SLC10A2: variants seen among roughly 807,000 people sequenced by gnomAD.
The protein encoded by SLC10A2 is ileal sodium/bile acid cotransporter.
Under a neutral mutation model 27.1 loss-of-function variants are expected in SLC10A2, and 34 were observed. The observed-to-expected ratio is 1.26, with a 90% CI of 0.96 to 1.67. The LOEUF (loss-of-function observed/expected upper bound fraction) is 1.67, where lower values mean the gene tolerates loss of function less well. SLC10A2 is among the 40% of genes most tolerant of loss of function. The pLI is 0.00. For missense variants in SLC10A2, 530 were observed against 444.4 expected (o/e 1.19, Z -1.73); for synonymous variants, 205 against 174.0 (o/e 1.18, Z -1.40).
Position 103,066,011 on chromosome 13 carries a change from G to C in SLC10A2, c.239C>G (p.Pro80Arg). The C allele has an allele frequency of 1.2e-6, 2 of 1,613,956 alleles. No homozygotes were observed. Among genetic ancestry groups the C allele is most frequent in the Non-Finnish European group, 1.7e-6 (2 of 1,179,930 alleles). The change falls in exon 1 of 6, where the codon CCC becomes CGC. Residue 80 changes from proline (P) to arginine (R), a missense_variant. By Grantham distance (103) the Pro-to-Arg change is moderately radical. Coordinates refer to ENST00000245312, the MANE Select transcript of SLC10A2 (RefSeq NM_000452.3). ...CACCGACAGGATGAATCCTGTGAGG[G>C]GCATGATTCCAAACTGACAGAGGAA... ...VGFLCQFGIMPLTGFILSVAF... is the reference protein window; with the variant it reads ...VGFLCQFGIMRLTGFILSVAF...
chr13:103,063,279 C>T (rs1015694389), intron 1 of SLC10A2, among the ~76,000 whole-genome samples: 14 of 151,936 alleles, frequency 9.2e-5, no homozygotes, highest in Non-Finnish European at 2.9e-5. Flanking sequence ...TAAGAGATGA[C>T]AGAGTGAGAG....
At chr13:103,064,355 A>G (rs74110005) in intron 1 of SLC10A2, among the ~76,000 whole-genome samples, 1,737 of 152,330 alleles carry the variant, frequency 0.011, 41 homozygotes, top group African/African-American at 0.04. Flanking sequence ...AGAAAAATGT[A>G]ACTTGGAGCT....
At chr13:103,050,500 A>G (rs1875746473) in intron 4 of SLC10A2, among the ~76,000 whole-genome samples, 2 of 152,164 alleles carry the variant, frequency 1.3e-5, no homozygotes, top group Non-Finnish European at 2.9e-5. Context: ...GCGCCTTTGG[A>G]GGATGAGCTC....
intron 2 of SLC10A2, among the ~76,000 whole-genome samples, chr13:103,058,031 C>T (rs148759365): frequency 3.9e-5 from 6 of 152,242 alleles, no homozygotes; most frequent in Non-Finnish European, 7.4e-5. Flanking sequence ...GGAGGGGGCT[C>T]CTTTCCCTGG....
intron 1 of SLC10A2, among the ~76,000 whole-genome samples, chr13:103,060,381 A>ATTTTT: frequency 7.6e-6 from 1 of 131,528 alleles, no homozygotes; most frequent in African/African-American, 3.0e-5. Flanking sequence ...TGCTACTACC[A>ATTTTT]TTTTTTTTTT....
At chr13:103,048,067 G>T (rs1393322262) in intron 5 of SLC10A2, among the ~76,000 whole-genome samples, 1 of 152,164 alleles carries the variant, frequency 6.6e-6, no homozygotes, top group African/African-American at 2.4e-5. Context: ...GTGCAGAGGA[G>T]ATCAGCATCA....
At chr13:103,054,795 A>G (rs1235046423) in intron 2 of SLC10A2, among the ~76,000 whole-genome samples, 1 of 152,062 alleles carries the variant, frequency 6.6e-6, no homozygotes, top group Non-Finnish European at 1.5e-5. Flanking sequence ...TTCTGCTTGT[A>G]GAGGTGGATG....
chr13:103,065,192 C>G (rs1426185458), intron 1 of SLC10A2, among the ~76,000 whole-genome samples: 1 of 152,078 alleles, frequency 6.6e-6, no homozygotes, highest in Admixed American at 6.5e-5. Flanking sequence ...AGTGCTAGTT[C>G]AGACTGGCAC....
chr13:103,046,619 G>A (rs868583636), intron 5 of SLC10A2, among the ~76,000 whole-genome samples: 2 of 152,172 alleles, frequency 1.3e-5, no homozygotes, highest in Middle Eastern at 3.2e-3. Flanking sequence ...TATACACATG[G>A]TGCAGTGCAA....
At chr13:103,062,443 AT>A (rs1876151267) in intron 1 of SLC10A2, among the ~76,000 whole-genome samples, 2 of 152,184 alleles carry the variant, frequency 1.3e-5, no homozygotes, top group South Asian at 4.1e-4. Flanking sequence ...ATACCAACTT[AT>A]TTTGAGTACT....
Position 103,065,856 on chromosome 13 carries a change from G to A in SLC10A2, c.377+17C>T. On this transcript the variant is annotated intron_variant, in intron 1 of 5. Transcript: ENST00000245312. ...CTCCAAGGTGATTGCAGTAGTTAGA[G>A]GTATAGATAATCTTACCTCAGGTCC... The A allele has an allele frequency of 1.9e-6, 3 of 1,613,748 alleles. No homozygotes were observed. In the South Asian group the frequency reaches 3.3e-5, roughly 18 times the overall value.
intron 2 of SLC10A2, 119 bp downstream of exon 2, chr13:103,058,145 A>T (rs1348912788): frequency 1.2e-5 from 9 of 774,426 alleles, no homozygotes; most frequent in Non-Finnish European, 1.4e-5. Flanking sequence ...TAATGAAATC[A>T]GGCAAAAACT....
At position 103,046,199 on chromosome 13, in the gene SLC10A2, T is replaced by G; in HGVS notation, c.981A>C (p.Glu327Asp). The G allele has an allele frequency of 6.2e-7, 1 of 1,613,970 alleles. No individual in the cohort carries two copies. Among genetic ancestry groups the G allele is most frequent in the Non-Finnish European group, 8.5e-7 (1 of 1,179,864 alleles). The change falls in exon 6 of 6, where the codon GAA (glutamate) becomes GAC (aspartate). Residue 327 changes from glutamate (E) to aspartate (D), a missense_variant. Coordinates refer to ENST00000245312, the MANE Select transcript of SLC10A2 (RefSeq NM_000452.3). ...ACGATGACTCTGGCTCCGTTCCATT[T>G]TCTTTGCTCTCTGGAATTTCTGCCT... ...KNKAEIPESKENGTEPESSFY... is the reference protein window; with the variant it reads ...KNKAEIPESKDNGTEPESSFY...
At position 103,066,180 on chromosome 13, in the gene SLC10A2, T is replaced by C. The variant is rs1876271645; in HGVS notation, c.70A>G (p.Ser24Gly). 1 of 1,614,148 alleles carries C rather than the reference T, an allele frequency of 6.2e-7. No homozygotes were observed. The highest frequency in any genetic ancestry group is 8.5e-7 in the Non-Finnish European group (1 of 1,179,990). The change falls in exon 1 of 6, where the codon AGC becomes GGC. Residue 24 changes from serine (S) to glycine (G), a missense_variant. By Grantham distance (56) the Ser-to-Gly change is moderately conservative. Coordinates refer to ENST00000245312, the MANE Select transcript of SLC10A2 (RefSeq NM_000452.3). ...ACACTTAGGATGTTATTGAAATTGC[T>C]CTCAGGTACCACACAGGATGCACCA... ...CSGASCVVPE[S>G]NFNNILSVVL...
chr13:103,048,923 C>G (rs2138911665), intron 5 of SLC10A2, among the ~76,000 whole-genome samples: 1 of 152,280 alleles, frequency 6.6e-6, no homozygotes, highest in African/African-American at 2.4e-5. Flanking sequence ...ATTTATAAAG[C>G]ATATCAAGAC....
In SLC10A2 at chr13:103,044,706, A is replaced by C. The variant is rs551393615; in HGVS notation, c.*1427T>G. The C allele has an allele frequency of 5.6e-4, 85 of 152,322 alleles. No individual in the cohort carries two copies. Among genetic ancestry groups the C allele is most frequent in the African/African-American group, 2.0e-3 (82 of 41,578 alleles). The allele number at this position is 152,322 out of a possible 1,614,324, so 9.4% of individuals were successfully genotyped here. Reference sequence around the variant, plus strand: ...ACATGCAAATGCAAAAAGCCCTTTCAGCCAAAACACTTGAAATAGACTCTA... The same window carrying C: ...ACATGCAAATGCAAAAAGCCCTTTCCGCCAAAACACTTGAAATAGACTCTA... On this transcript the variant is annotated 3_prime_UTR_variant, in exon 6 of 6. Transcript: ENST00000245312.
chr13:103,064,423 A>C (rs970183445), intron 1 of SLC10A2, among the ~76,000 whole-genome samples: 2 of 152,200 alleles, frequency 1.3e-5, no homozygotes, highest in Non-Finnish European at 2.9e-5. Context: ...CAACAACCTA[A>C]TAGTCCAGTA....
At chr13:103,054,883 A>T (rs1302396083) in intron 2 of SLC10A2, among the ~76,000 whole-genome samples, 1 of 152,106 alleles carries the variant, frequency 6.6e-6, no homozygotes, top group African/African-American at 2.4e-5. Context: ...CGTATGCCTC[A>T]TATGCCCATG....
chr13:103,045,332 G>A lies in SLC10A2; in HGVS notation c.*801C>T, dbSNP rs1478691222. 1 of 152,186 alleles carries A rather than the reference G, an allele frequency of 6.6e-6. No individual in the cohort carries two copies. Among genetic ancestry groups the A allele is most frequent in the Non-Finnish European group, 1.5e-5 (1 of 68,090 alleles). The allele number at this position is 152,186 out of a possible 1,614,324, so 9.4% of individuals were successfully genotyped here. On this transcript the variant is annotated 3_prime_UTR_variant, in exon 6 of 6. Coordinates refer to ENST00000245312, the MANE Select transcript of SLC10A2 (RefSeq NM_000452.3). The stretch of plus-strand genomic sequence containing the variant: ...CCACTGCACACAGGAAAACCTTGAG[G>A]AAGTCCCTCTCCCAGATTTGAAGAG...
Sources: allele counts gnomAD v4.1 joint callset (sites outside exome capture counted in the v4.1 genomes callset), GRCh38; gene constraint gnomAD v4.1.1; transcripts MANE v1.5; gene names NCBI Gene and HGNC (gene_info 2026-07-23, HGNC 2026-07-21).